KANSL1: variants seen among roughly 807,000 people sequenced by gnomAD.
The protein encoded by KANSL1 is MLL1/MLL complex subunit KANSL1.
Under a neutral mutation model 103.6 loss-of-function variants are expected in KANSL1, and 22 were observed. The ratio of observed to expected loss-of-function variants is 0.21; its 90% CI spans 0.15 to 0.30. The LOEUF is 0.30. Ranked by LOEUF, KANSL1 falls within the 10% of genes least tolerant of loss-of-function variation. The pLI, the probability that KANSL1 is intolerant of heterozygous loss-of-function variation, is 1.00. For missense variants in KANSL1, 1,337 were observed against 1,399.8 expected (o/e 0.96, Z 0.72); for synonymous variants, 600 against 527.6 (o/e 1.14, Z -1.88).
At chr17:46,078,332 T>A (rs1227523419) in intron 4 of KANSL1, among the ~76,000 whole-genome samples, 2 of 152,234 alleles carry the variant, frequency 1.3e-5, no homozygotes, top group Admixed American at 6.5e-5. Flanking sequence ...GCAATGATGA[T>A]CTTCTCTGCT....
At position 46,146,832 on chromosome 17, in the gene KANSL1, CAAAAAAAA is replaced by C. The variant is rs1023164178; in HGVS notation, c.1289+24015_1289+24022del. Among the ~76,000 whole-genome samples the C allele has an allele frequency of 6.2e-4, 23 of 37,318 alleles. 1 individual carries two copies. In the South Asian group the frequency reaches 0.017, roughly 28 times the overall value. 24.5% of individuals were successfully genotyped at this position (37,318 alleles called of 152,430 possible). On this transcript the variant is annotated intron_variant, in intron 2 of 14. Coordinates refer to ENST00000432791, the MANE Select transcript of KANSL1 (RefSeq NM_015443.4). ...TGGGCGACAGAGCGAGACTCCGTCT[CAAAAAAAA>C]AAAAAAAAAAAAAAAAAGAAGTTGA...
chr17:46,210,706 G>A (rs930954798), intron 1 of KANSL1, among the ~76,000 whole-genome samples: 2 of 152,196 alleles, frequency 1.3e-5, no homozygotes, highest in Admixed American at 1.3e-4. Context: ...CAGATGGGAT[G>A]ATGAGATTCC....
chr17:46,096,602 G>C (rs759170304), intron 2 of KANSL1, among the ~76,000 whole-genome samples: 1 of 151,646 alleles, frequency 6.6e-6, no homozygotes, highest in Non-Finnish European at 1.5e-5. Flanking sequence ...TTACAGGCAC[G>C]AGCCACTGCA....
chr17:46,059,719 A>G (rs1305898230), intron 6 of KANSL1, among the ~76,000 whole-genome samples: 1 of 151,706 alleles, frequency 6.6e-6, no homozygotes, highest in Non-Finnish European at 1.5e-5. Flanking sequence ...AGAGAAACAG[A>G]CTGTTATCTT....
chr17:46,142,128 T>G (rs1240761894), intron 2 of KANSL1, among the ~76,000 whole-genome samples: 2 of 152,206 alleles, frequency 1.3e-5, no homozygotes, highest in Non-Finnish European at 2.9e-5. Flanking sequence ...TAAAAACATG[T>G]ACAAGGAAAT....
chr17:46,185,698 C>T (rs138575158), intron 1 of KANSL1, among the ~76,000 whole-genome samples: 12,821 of 107,448 alleles, frequency 0.12, 774 homozygotes, highest in East Asian at 0.54. Flanking sequence ...TATATACACA[C>T]ACACACACAC....
At chr17:46,217,470 T>TA (rs34158594) in intron 1 of KANSL1, among the ~76,000 whole-genome samples, 125 of 140,076 alleles carry the variant, frequency 8.9e-4, no homozygotes, top group Middle Eastern at 3.6e-3. Context: ...AGAGAGACTC[T>TA]AAAAAAAAAA....
At chr17:46,186,993 A>G (rs1178994651) in intron 1 of KANSL1, among the ~76,000 whole-genome samples, 1 of 152,084 alleles carries the variant, frequency 6.6e-6, no homozygotes, top group African/African-American at 2.4e-5. Flanking sequence ...CGGCCTCCCA[A>G]GGTGCTGGGA....
Position 46,170,975 on chromosome 17 carries a change from T to C in KANSL1, c.1169A>G (p.Asn390Ser), listed in dbSNP as rs1383082624. The C allele has an allele frequency of 1.9e-6, 3 of 1,614,218 alleles. No homozygotes were observed. Among genetic ancestry groups the C allele is most frequent in the Middle Eastern group, 1.6e-4 (1 of 6,062 alleles). Residue 390 changes from asparagine to serine, a missense_variant, in exon 2 of 15, where the codon AAC becomes AGC. Physicochemically the swap from Asn to Ser is conservative, Grantham distance 46 (BLOSUM62 1). Coordinates refer to ENST00000432791, the MANE Select transcript of KANSL1 (RefSeq NM_015443.4). ...AAATGCCTGTTCACTGCACCTCAAG[T>C]TGGCTATGCCACTAGCTGTAAATCT... ...LERFTASGIANLRCSEQAFDS... is the reference protein window; with the variant it reads ...LERFTASGIASLRCSEQAFDS...
At chr17:46,204,629 CA>C (rs2047905269) in intron 1 of KANSL1, among the ~76,000 whole-genome samples, 1 of 152,172 alleles carries the variant, frequency 6.6e-6, no homozygotes, top group Non-Finnish European at 1.5e-5. Context: ...ACTCTGATGC[CA>C]AAACCAGACA....
intron 6 of KANSL1, among the ~76,000 whole-genome samples, chr17:46,062,506 G>T (rs370516980): frequency 1.5e-3 from 230 of 151,204 alleles, no homozygotes; most frequent in African/African-American, 5.5e-3. Context: ...TTACAGGCAC[G>T]TGCCACCACG....
intron 2 of KANSL1, among the ~76,000 whole-genome samples, chr17:46,117,810 A>G (rs1186556161): frequency 6.6e-6 from 1 of 152,234 alleles, no homozygotes; most frequent in East Asian, 1.9e-4. Context: ...CAAATAACTC[A>G]AAAAGACACA....
At chr17:46,225,188 G>A (rs988335899), upstream of KANSL1, among the ~76,000 whole-genome samples, 1 of 151,964 alleles carries the variant, frequency 6.6e-6, no homozygotes, top group Non-Finnish European at 1.5e-5. Flanking sequence ...CCCGCTCCCC[G>A]GGCCCCGCGG....
chr17:46,203,314 G>A (rs1453049708), intron 1 of KANSL1, among the ~76,000 whole-genome samples: 4 of 152,334 alleles, frequency 2.6e-5, no homozygotes, highest in African/African-American at 4.8e-5. Context: ...AATACCTACC[G>A]TGGCAATACC....
chr17:46,047,830 C>T (rs548902108), intron 7 of KANSL1, among the ~76,000 whole-genome samples: 1 of 139,452 alleles, frequency 7.2e-6, no homozygotes, highest in South Asian at 2.5e-4. Context: ...AAAAAAAAAA[C>T]TTACAGACTA....
chr17:46,190,708 AAGTC>A (rs1002927131), intron 1 of KANSL1, among the ~76,000 whole-genome samples: 1 of 152,260 alleles, frequency 6.6e-6, no homozygotes, highest in African/African-American at 2.4e-5. Context: ...AAAAAATAAA[AAGTC>A]AATCACCTCA....
chr17:46,104,607 C>T (rs1420264737), intron 2 of KANSL1, among the ~76,000 whole-genome samples: 2 of 152,084 alleles, frequency 1.3e-5, no homozygotes, highest in African/African-American at 2.4e-5. Flanking sequence ...AAAATATAAA[C>T]AATATGAGAG....
intron 6 of KANSL1, among the ~76,000 whole-genome samples, chr17:46,064,066 AAAAAAC>A (rs998787409): frequency 2.3e-5 from 3 of 129,368 alleles, no homozygotes; most frequent in Non-Finnish European, 5.3e-5. Context: ...AAAAAAAAAA[AAAAAAC>A]AAAAAAAAAC....
At chr17:46,038,891 A>G in intron 9 of KANSL1, 136 bp downstream of exon 9, 1 of 1,189,888 alleles carries the variant, frequency 8.4e-7, no homozygotes, top group Non-Finnish European at 1.2e-6. Flanking sequence ...TCCATTTAGA[A>G]GCAGTAGCGT....
Sources: allele counts gnomAD v4.1 joint callset (sites outside exome capture counted in the v4.1 genomes callset), GRCh38; gene constraint gnomAD v4.1.1; transcripts MANE v1.5; gene names NCBI Gene and HGNC (gene_info 2026-07-23, HGNC 2026-07-21).